Variants in APP observed in about 807,000 individuals in gnomAD.
APP encodes amyloid beta precursor protein.
A neutral mutation model predicts 101.4 loss-of-function variants in APP; 31 were observed. That is an observed-to-expected ratio of 0.31 (90% CI 0.23 to 0.41). The LOEUF is 0.41. APP is among the 10% of genes least tolerant of loss of function. The pLI, the probability that APP is intolerant of heterozygous loss-of-function variation, is 1.00. For synonymous variants in APP, 366 were observed against 364.4 expected, an observed-to-expected ratio of 1.00 and a Z score of -0.05; for missense variants, 839 against 1,003.7, an observed-to-expected ratio of 0.84 and a Z score of 2.22.
chr21:26,140,896 C>T (rs1345719761), intron 1 of APP, among the ~76,000 whole-genome samples: 1 of 152,152 alleles, frequency 6.6e-6, no homozygotes, highest in Non-Finnish European at 1.5e-5. Context: ...AACGTTAAAA[C>T]AACCGGATTA....
At chr21:25,944,636 G>C (rs574105051) in intron 13 of APP, among the ~76,000 whole-genome samples, 2 of 152,164 alleles carry the variant, frequency 1.3e-5, no homozygotes, top group Non-Finnish European at 2.9e-5. Flanking sequence ...TCAAAATTCG[G>C]GAAACATATT....
rs117081248 is a variant in APP, at chr21:26,010,981, G to A, written c.866-10799C>T. On this transcript the variant is annotated intron_variant, in intron 6 of 17. Transcript: ENST00000346798. The stretch of plus-strand genomic sequence containing the variant: ...GCAGAGATTGCAGTGAACTGAGATC[G>A]TGTCACTGCACTCCAGCCTGGGCGA... 4.4e-3 allele frequency among the ~76,000 whole-genome samples: 664 copies of A among 152,120 alleles called. 2 individuals are homozygous for A. Among genetic ancestry groups the A allele is most frequent in the Middle Eastern group, 0.017 (5 of 294 alleles).
intron 13 of APP, among the ~76,000 whole-genome samples, chr21:25,931,438 T>C (rs898870500): frequency 6.6e-6 from 1 of 152,176 alleles, no homozygotes; most frequent in Non-Finnish European, 1.5e-5. Context: ...ACCTATACCA[T>C]GAGTATGCAA....
intron 2 of APP, among the ~76,000 whole-genome samples, chr21:26,098,717 A>G (rs2061997971): frequency 6.6e-6 from 1 of 152,248 alleles, no homozygotes. Context: ...CAGTTTGCCT[A>G]CTTTTCTACT....
chr21:25,983,875 A>G (rs1028724830), intron 8 of APP, among the ~76,000 whole-genome samples: 1 of 152,126 alleles, frequency 6.6e-6, no homozygotes, highest in African/African-American at 2.4e-5. Context: ...AAGGAAGGAA[A>G]GAGTCATGTG....
intron 3 of APP, among the ~76,000 whole-genome samples, chr21:26,077,931 C>T (rs1483301455): frequency 6.6e-6 from 1 of 152,184 alleles, no homozygotes; most frequent in African/African-American, 2.4e-5. Context: ...TCACTGAACA[C>T]TGAAACAAAT....
At chr21:25,972,717 G>A (rs1275474422) in intron 11 of APP, among the ~76,000 whole-genome samples, 1 of 151,948 alleles carries the variant, frequency 6.6e-6, no homozygotes, top group Non-Finnish European at 1.5e-5. Flanking sequence ...ACATTTTAAA[G>A]GAAATCTCTC....
At chr21:25,943,606 G>A (rs995744659) in intron 13 of APP, among the ~76,000 whole-genome samples, 2 of 151,608 alleles carry the variant, frequency 1.3e-5, no homozygotes, top group African/African-American at 4.9e-5. Context: ...GTGCCACCAT[G>A]CCCGGCTAAT....
At chr21:25,984,547 T>C (rs895264260) in intron 8 of APP, among the ~76,000 whole-genome samples, 2 of 152,206 alleles carry the variant, frequency 1.3e-5, no homozygotes, top group Non-Finnish European at 2.9e-5. Context: ...CAAACCAATA[T>C]GCAAGTATTT....
intron 6 of APP, among the ~76,000 whole-genome samples, chr21:26,005,127 T>G (rs1473258322): frequency 6.6e-6 from 1 of 152,032 alleles, no homozygotes; most frequent in African/African-American, 2.4e-5. Flanking sequence ...AAAATGAATA[T>G]AGGAAGCCAG....
chr21:25,998,333 T>G (rs2043135835), intron 7 of APP, among the ~76,000 whole-genome samples: 1 of 150,800 alleles, frequency 6.6e-6, no homozygotes, highest in Admixed American at 6.6e-5. Context: ...CTGCTTTGTT[T>G]GAAACTGAAG....
chr21:26,092,526 C>T (rs2061846189), intron 2 of APP, among the ~76,000 whole-genome samples: 1 of 152,076 alleles, frequency 6.6e-6, no homozygotes, highest in South Asian at 2.1e-4. Context: ...TGGTTGGGGG[C>T]AGGGGGAGGA....
chr21:26,008,134 G>A (rs1472700119), intron 6 of APP, among the ~76,000 whole-genome samples: 4 of 152,166 alleles, frequency 2.6e-5, no homozygotes, highest in African/African-American at 4.8e-5. Flanking sequence ...ACTGAATTGC[G>A]TTAATTCTCT....
chr21:26,116,320 G>A (rs573378771), intron 1 of APP, among the ~76,000 whole-genome samples: 1 of 152,156 alleles, frequency 6.6e-6, no homozygotes, highest in East Asian at 1.9e-4. Flanking sequence ...AAAGAATACT[G>A]AAGTGAAATG....
At chr21:25,930,073 A>T (rs1332023412) in intron 13 of APP, among the ~76,000 whole-genome samples, 1 of 152,192 alleles carries the variant, frequency 6.6e-6, no homozygotes, top group Non-Finnish European at 1.5e-5. Context: ...TTCAGCTCCA[A>T]CCTGAACCTT....
At chr21:26,004,587 C>A (rs1233377637) in intron 6 of APP, among the ~76,000 whole-genome samples, 1 of 152,052 alleles carries the variant, frequency 6.6e-6, no homozygotes, top group Admixed American at 6.6e-5. Flanking sequence ...GCACCGCGCC[C>A]GGCCTCTATT....
intron 9 of APP, among the ~76,000 whole-genome samples, chr21:25,976,987 T>C (rs3787631): frequency 0.23 from 35,227 of 152,144 alleles, 4,468 homozygotes; most frequent in East Asian, 0.43. Flanking sequence ...CAGCACCATG[T>C]TCTTGGACTT....
rs1318515992 is a variant in APP, at chr21:25,997,568, T to TAAAC, written c.1034-156_1034-153dup. ...CTCCAACAAAACCAAAATGAACATATAAACATAAGATCTATTTTCGTAAGA... is the reference window on the plus strand; with the variant it reads ...CTCCAACAAAACCAAAATGAACATATAAACAAACATAAGATCTATTTTCGTAAGA... On this transcript the variant is annotated intron_variant, in intron 7 of 17. Transcript: ENST00000346798. 15 of 692,946 alleles carry TAAAC rather than the reference T, an allele frequency of 2.2e-5. No individual in the cohort carries two copies. The African/African-American group carries it at 2.7e-4, about 12-fold the overall frequency. The allele number at this position is 692,946 out of a possible 1,614,324, so 42.9% of individuals were successfully genotyped here. A position where few individuals can be genotyped will look rare whatever the true frequency, so the allele number is the denominator to read the frequency against.
chr21:26,145,153 C>T (rs1456083986), intron 1 of APP, among the ~76,000 whole-genome samples: 3 of 152,162 alleles, frequency 2.0e-5, no homozygotes, highest in African/African-American at 7.2e-5. Context: ...CTATCAAAAG[C>T]TGGCTGACTA....
Sources: gnomAD v4.1 joint callset for allele counts (sites outside exome capture counted in the v4.1 genomes callset) on GRCh38, gnomAD v4.1.1 for gene constraint, MANE v1.5 for transcripts, NCBI Gene and HGNC (gene_info 2026-07-23, HGNC 2026-07-21) for gene names.